The following ARHGEF3 variants were observed in gnomAD, a reference collection of about 807,000 sequenced individuals.
ARHGEF3 encodes 59.8 kDA protein.
A neutral mutation model predicts 63.2 loss-of-function variants in ARHGEF3; 28 were observed. The observed-to-expected ratio is 0.44, with a 90% CI of 0.33 to 0.61. The LOEUF is 0.61. ARHGEF3 is among the 20% of genes least tolerant of loss of function. The probability of loss-of-function intolerance (pLI) is 0.03; values close to 1 mark genes in which losing one functional copy is unlikely to be tolerated. For synonymous variants in ARHGEF3, 266 were observed against 254.2 expected, an observed-to-expected ratio of 1.05 and a Z score of -0.44; for missense variants, 533 against 659.3, an observed-to-expected ratio of 0.81 and a Z score of 2.10.
At chr3:56,884,392 G>C (rs1375978588) in intron 3 of ARHGEF3, among the ~76,000 whole-genome samples, 2 of 152,108 alleles carry the variant, frequency 1.3e-5, no homozygotes, top group East Asian at 1.9e-4. Flanking sequence ...GAAGATATTG[G>C]GGCTCTTTTT....
chr3:56,903,069 T>TACACACACACACAC, intron 3 of ARHGEF3, among the ~76,000 whole-genome samples: 1 of 148,144 alleles, frequency 6.8e-6, no homozygotes, highest in East Asian at 2.0e-4. Flanking sequence ...TCTCTAAACA[T>TACACACACACACAC]ACACACACAC....
At chr3:56,888,857 C>T (rs1036165985) in intron 3 of ARHGEF3, among the ~76,000 whole-genome samples, 3 of 151,900 alleles carry the variant, frequency 2.0e-5, no homozygotes, top group Non-Finnish European at 4.4e-5. Context: ...GAGCCGAGAT[C>T]GCACCATTGC....
chr3:56,775,459 T>C, intron 1 of ARHGEF3: 1 of 1,003,392 alleles, frequency 1.0e-6, no homozygotes, highest in Non-Finnish European at 1.2e-6. Flanking sequence ...AGTTAAATAC[T>C]TTTCCAAGAC....
chr3:56,840,091 T>C (rs1179434766), intron 4 of ARHGEF3, among the ~76,000 whole-genome samples: 1 of 152,170 alleles, frequency 6.6e-6, no homozygotes, highest in Non-Finnish European at 1.5e-5. Flanking sequence ...ACCTTCTTCT[T>C]AGGTGGATAT....
At chr3:56,742,520 T>C (rs950100285) in intron 7 of ARHGEF3, among the ~76,000 whole-genome samples, 37 of 152,338 alleles carry the variant, frequency 2.4e-4, no homozygotes, top group African/African-American at 8.4e-4. Flanking sequence ...TTTTCATTGA[T>C]GGGAAATTTA....
intron 2 of ARHGEF3, among the ~76,000 whole-genome samples, chr3:56,968,181 A>ATCT (rs1363015487): frequency 4.3e-5 from 1 of 23,378 alleles, no homozygotes; most frequent in African/African-American, 1.3e-4. Flanking sequence ...TATATATAAA[A>ATCT]ATATATATTA....
chr3:57,012,233 T>A (rs1166081041), intron 2 of ARHGEF3, among the ~76,000 whole-genome samples: 3 of 152,186 alleles, frequency 2.0e-5, no homozygotes, highest in Non-Finnish European at 4.4e-5. Context: ...TACCTGGTCG[T>A]GAACTAAGCC....
Position 56,729,497 on chromosome 3 carries a change from A to G in ARHGEF3, c.1354T>C (p.Leu452=), listed in dbSNP as rs1009118. The part of the protein sequence containing the change: ...NCIRQAKETV[L]CAAGQAGVLD... ...ACCCCAGCTTGCCCGGCAGCACACA[A>G]AACTGTTTCTTTGGCTTGACGAATA... Residue 452 remains leucine, a synonymous_variant, in exon 10 of 10, where the codon TTG becomes CTG. Transcript: ENST00000296315. The G allele has an allele frequency of 0.17, 277,294 of 1,613,946 alleles. 27,661 individuals carry two copies. The highest frequency in any genetic ancestry group is 0.38 in the South Asian group (35,041 of 91,058).
At chr3:56,973,496 G>T (rs1425141858) in intron 2 of ARHGEF3, among the ~76,000 whole-genome samples, 1 of 152,122 alleles carries the variant, frequency 6.6e-6, no homozygotes, top group Non-Finnish European at 1.5e-5. Flanking sequence ...ATATAACATT[G>T]AAATAGTATG....
intron 2 of ARHGEF3, among the ~76,000 whole-genome samples, chr3:56,974,708 A>C (rs1047890024): frequency 2.0e-5 from 3 of 151,942 alleles, no homozygotes; most frequent in African/African-American, 7.3e-5. Flanking sequence ...GCACGTTTTC[A>C]ATGGCAAAGG....
Position 56,727,436 on chromosome 3 carries a change from T to C in ARHGEF3, c.*1834A>G, listed in dbSNP as rs1303799742. The C allele has an allele frequency of 6.6e-6, 1 of 152,666 alleles. No homozygotes were observed. The highest frequency in any genetic ancestry group is 2.4e-5 in the African/African-American group (1 of 41,464). 9.5% of individuals were successfully genotyped at this position (152,666 alleles called of 1,614,324 possible). A position where few individuals can be genotyped will look rare whatever the true frequency, so the allele number is the denominator to read the frequency against. On this transcript the variant is annotated 3_prime_UTR_variant, in exon 10 of 10. Coordinates refer to ENST00000296315, the MANE Select transcript of ARHGEF3 (RefSeq NM_019555.3). ...CATGGAGGATGACTTAATAATGTAA[T>C]TTATTTGAAATACTTCCAGAAAAGT...
intron 1 of ARHGEF3, chr3:57,035,220 A>G (rs961468904): frequency 8.8e-7 from 1 of 1,130,300 alleles, no homozygotes; most frequent in Non-Finnish European, 1.2e-6. Flanking sequence ...ATCTAGGTAC[A>G]TTTATGTTAT....
chr3:56,775,798 A>G, intron 1 of ARHGEF3: 1 of 286,562 alleles, frequency 3.5e-6, no homozygotes, highest in Non-Finnish European at 4.5e-6. Context: ...ACACACGCGC[A>G]AGCACACACA....
intron 6 of ARHGEF3, among the ~76,000 whole-genome samples, chr3:56,747,295 A>G (rs1327307849): frequency 6.6e-6 from 1 of 152,236 alleles, no homozygotes; most frequent in African/African-American, 2.4e-5. Context: ...ACTGCTGCTC[A>G]CTGTCCAATG....
At position 57,074,172 on chromosome 3, in the gene ARHGEF3, T is replaced by A. The variant is rs779509957; in HGVS notation, c.-28+5054A>T. ...AGATGCCGAGCCCAGTAGCACAGGG[T>A]GCAGCCGTTCAAACCAACTGACATT... is the stretch of plus-strand genomic sequence containing the variant. On this transcript the variant is annotated intron_variant, in intron 1 of 12. Transcript: ENST00000338458. 6.2e-6 allele frequency: 10 copies of A among 1,614,144 alleles called. No individual in the cohort carries two copies. The East Asian group carries it at 2.2e-4, about 36-fold the overall frequency.
chr3:57,058,727 A>G (rs2107335046), intron 1 of ARHGEF3, among the ~76,000 whole-genome samples: 1 of 152,228 alleles, frequency 6.6e-6, no homozygotes, highest in African/African-American at 2.4e-5. Context: ...ACAATAGCAA[A>G]GACTTGGAAC....
chr3:56,899,427 C>T (rs751756406), intron 3 of ARHGEF3, among the ~76,000 whole-genome samples: 3 of 152,182 alleles, frequency 2.0e-5, no homozygotes, highest in South Asian at 2.1e-4. Flanking sequence ...ACTCCCCTAA[C>T]GTTTACCATG....
At chr3:56,965,203 G>T (rs2106786541) in intron 2 of ARHGEF3, among the ~76,000 whole-genome samples, 1 of 152,238 alleles carries the variant, frequency 6.6e-6, no homozygotes, top group African/African-American at 2.4e-5. Context: ...TGCAGTCAGG[G>T]ATGATAATGT....
intron 2 of ARHGEF3, among the ~76,000 whole-genome samples, chr3:56,959,409 G>A (rs1359052685): frequency 3.3e-5 from 5 of 152,100 alleles, no homozygotes; most frequent in Non-Finnish European, 7.4e-5. Context: ...CTCTCAACAT[G>A]AATCAATTTC....
Sources: gnomAD v4.1 joint callset for allele counts (sites outside exome capture counted in the v4.1 genomes callset) on GRCh38, gnomAD v4.1.1 for gene constraint, MANE v1.5 for transcripts, NCBI Gene and HGNC (gene_info 2026-07-23, HGNC 2026-07-21) for gene names.